Variants in GRHL1 observed in about 807,000 individuals in gnomAD.
GRHL1 encodes grainyhead-like protein 1 homolog.
Under a neutral mutation model 75.7 loss-of-function variants are expected in GRHL1, and 38 were observed. That is an observed-to-expected ratio of 0.50 (90% CI 0.39 to 0.66). The LOEUF (loss-of-function observed/expected upper bound fraction) is 0.66. Among genes scored for constraint, GRHL1 ranks in the 30% least tolerant of loss-of-function variants. The pLI, the probability that GRHL1 is intolerant of heterozygous loss-of-function variation, is 0.00. For synonymous variants in GRHL1, 266 were observed against 279.4 expected, an observed-to-expected ratio of 0.95 and a Z score of 0.48; for missense variants, 589 against 767.5, an observed-to-expected ratio of 0.77 and a Z score of 2.75.
rs748162587 is a variant in GRHL1, at chr2:9,975,150, C to G, written c.1110+9769C>G. Reference sequence around the variant, plus strand: ...TAAGGCCTGTGTAGTACAGAAGCAACAGCTGCAGACTTGTCTTCTGCAGCC... The same window carrying G: ...TAAGGCCTGTGTAGTACAGAAGCAAGAGCTGCAGACTTGTCTTCTGCAGCC... On this transcript the variant is annotated intron_variant, in intron 8 of 15. Transcript: ENST00000324907. Among the ~76,000 whole-genome samples, 94 of 152,312 alleles carry G rather than the reference C, an allele frequency of 6.2e-4. 1 individual carries two copies. Among genetic ancestry groups the G allele is most frequent in the Non-Finnish European group, 2.2e-4 (15 of 68,032 alleles).
chr2:9,962,539 A>G lies in GRHL1; in HGVS notation c.746+8A>G, dbSNP rs777196625. 7.1e-7 allele frequency: 1 copy of G among 1,404,976 alleles called. No homozygotes were observed. The highest frequency in any genetic ancestry group is 1.0e-6 in the Non-Finnish European group (1 of 989,388). The allele number at this position is 1,404,976 out of a possible 1,614,324, so 87.0% of individuals were successfully genotyped here. A position where few individuals can be genotyped will look rare whatever the true frequency, so the allele number is the denominator to read the frequency against. On this transcript the variant is annotated splice_region_variant and intron_variant, in intron 5 of 15. Transcript: ENST00000324907. ...TTTTGACAGTGTTTCTGGGTAATAGATGTCTTTTAATTTGATTTTTAATTT... is the reference window on the plus strand; with the variant it reads ...TTTTGACAGTGTTTCTGGGTAATAGGTGTCTTTTAATTTGATTTTTAATTT...
Position 9,998,524 on chromosome 2 carries a change from A to G in GRHL1, c.1678-441A>G, listed in dbSNP as rs13018184. On this transcript the variant is annotated intron_variant, in intron 14 of 15. Coordinates refer to ENST00000324907, the MANE Select transcript of GRHL1 (RefSeq NM_198182.3). The stretch of plus-strand genomic sequence containing the variant: ...TACATATATATACGTATATATATAC[A>G]TATATATACGTATATATACATATGT... Among the ~76,000 whole-genome samples the G allele has an allele frequency of 9.9e-4, 17 of 17,236 alleles. 1 individual carries two copies. Among genetic ancestry groups the G allele is most frequent in the South Asian group, 4.2e-3 (1 of 236 alleles). 11.3% of individuals were successfully genotyped at this position (17,236 alleles called of 152,430 possible).
rs561124292 is a variant in GRHL1, at chr2:10,000,715, C to A, written c.*8C>A. ...ACCCTGACGGAGATCTAAAGGCCTG[C>A]GGGCCACAGCTCCCCAGGAGTTCAG... On this transcript the variant is annotated 3_prime_UTR_variant, in exon 16 of 16. Coordinates refer to ENST00000324907, the MANE Select transcript of GRHL1 (RefSeq NM_198182.3). The A allele has an allele frequency of 1.4e-6, 2 of 1,437,010 alleles. No individual in the cohort carries two copies. The highest frequency in any genetic ancestry group is 1.2e-5 in the South Asian group (1 of 86,898). The allele number at this position is 1,437,010 out of a possible 1,614,324, so 89.0% of individuals were successfully genotyped here.
chr2:9,989,509 TAC>T (rs1312666983), intron 9 of GRHL1, among the ~76,000 whole-genome samples: 1 of 152,198 alleles, frequency 6.6e-6, no homozygotes, highest in African/African-American at 2.4e-5. Flanking sequence ...GCAGTTGATA[TAC>T]AGAGTACACG....
Position 9,987,038 on chromosome 2 carries a change from G to A in GRHL1, c.1269+756G>A, listed in dbSNP as rs1668450956. Reference sequence around the variant, plus strand: ...CTGTCGCCCATGCTGGAGTGCAGTGGCGCAGTCTCGGCTCACTGCAGCCTC... The same window carrying A: ...CTGTCGCCCATGCTGGAGTGCAGTGACGCAGTCTCGGCTCACTGCAGCCTC... On this transcript the variant is annotated intron_variant, in intron 9 of 15. Transcript: ENST00000324907. The surrounding 1 kb of genome is among the most constrained non-coding windows in gnomAD (Gnocchi z 4.2). 6.6e-6 allele frequency among the ~76,000 whole-genome samples: 1 copy of A among 151,802 alleles called. No individual in the cohort carries two copies.
intron 8 of GRHL1, among the ~76,000 whole-genome samples, chr2:9,984,381 T>A (rs1022526868): frequency 6.6e-6 from 1 of 152,150 alleles, no homozygotes; most frequent in Non-Finnish European, 1.5e-5. Flanking sequence ...TCCAATAATG[T>A]CCACTATGTG....
intron 14 of GRHL1, 140 bp downstream of exon 14, chr2:9,996,541 C>CG (rs1668868840): frequency 1.5e-6 from 1 of 654,282 alleles, no homozygotes; most frequent in East Asian, 2.7e-5. Flanking sequence ...AGTCGTCGTG[C>CG]GTCCCACATT....
intron 12 of GRHL1, among the ~76,000 whole-genome samples, chr2:9,993,758 C>T (rs775992608): frequency 6.6e-6 from 1 of 152,208 alleles, no homozygotes; most frequent in African/African-American, 2.4e-5. Context: ...TTATCTGTTA[C>T]TAATGGTGTT....
intron 15 of GRHL1, among the ~76,000 whole-genome samples, chr2:9,999,709 T>G (rs1410215139): frequency 6.6e-6 from 1 of 152,256 alleles, no homozygotes; most frequent in East Asian, 1.9e-4. Context: ...CTTTTTTGTC[T>G]GTCTATGATG....
chr2:9,998,772 ACATATATACG>A (rs1669092837), intron 14 of GRHL1, among the ~76,000 whole-genome samples, 183 bp from the exon 15 acceptor site: 1 of 31,868 alleles, frequency 3.1e-5, no homozygotes, highest in Non-Finnish European at 5.8e-5. Flanking sequence ...ATATGTACAC[ACATATATACG>A]TATATATATG....
chr2:9,964,167 C>A, intron 6 of GRHL1, 68 bp from the exon 7 acceptor site: 2 of 1,316,592 alleles, frequency 1.5e-6, no homozygotes, highest in Non-Finnish European at 2.2e-6. Flanking sequence ...AAATATAGTA[C>A]TAAATACGTT....
chr2:9,998,889 CAT>C (rs33958552), intron 14 of GRHL1, 74 bp from the exon 15 acceptor site: 32 of 141,662 alleles, frequency 2.3e-4, no homozygotes, highest in East Asian at 2.9e-4. Context: ...CATATATATA[CAT>C]ATATATATAT....
Position 9,977,885 on chromosome 2 carries a change from T to G in GRHL1, c.1111-8239T>G, listed in dbSNP as rs143989916. 2.7e-3 allele frequency among the ~76,000 whole-genome samples: 417 copies of G among 152,314 alleles called. 15 individuals carry two copies. In the East Asian group the frequency reaches 0.061, roughly 22 times the overall value. On this transcript the variant is annotated intron_variant, in intron 8 of 15. Transcript: ENST00000324907. ...AAGACATACCCGAGACTGGGTAATT[T>G]ATAAATAAAAAGAGATTTAATGGAC...
intron 8 of GRHL1, among the ~76,000 whole-genome samples, chr2:9,982,985 C>A: frequency 6.6e-6 from 1 of 151,636 alleles, no homozygotes; most frequent in Non-Finnish European, 1.5e-5. Context: ...TGCACTGGGT[C>A]GCAGTGCTTA....
chr2:9,981,217 C>T (rs912872174), intron 8 of GRHL1, among the ~76,000 whole-genome samples: 3 of 152,200 alleles, frequency 2.0e-5, no homozygotes, highest in Admixed American at 6.5e-5. Flanking sequence ...TAAAGCTCCC[C>T]GGAAGCTGCA....
intron 12 of GRHL1, among the ~76,000 whole-genome samples, chr2:9,994,537 G>A (rs1401952417): frequency 6.6e-6 from 1 of 152,022 alleles, no homozygotes; most frequent in African/African-American, 2.4e-5. Context: ...GGACATTCAT[G>A]CCCCACACGT....
rs1171571321 is a variant in GRHL1, at chr2:9,995,931, CCTT to C, written c.1555_1557del (p.Ser519del). 7 of 1,613,074 alleles carry C rather than the reference CCTT, an allele frequency of 4.3e-6. No individual in the cohort carries two copies. Among genetic ancestry groups the C allele is most frequent in the Admixed American group, 3.3e-5 (2 of 60,026 alleles). On this transcript the variant is annotated inframe_deletion, in exon 13 of 16. Transcript: ENST00000324907. ...CACAGAAGATGACTTTGCTGTCCCT[CCTT>C]CTACCAAGCTGGCCCGGATAGAAGA...
chr2:9,993,191 A>G lies in GRHL1; in HGVS notation c.1462-16A>G, dbSNP rs767688263. ...TGAGCATACATTTGAAAAGCAATCTATTCCTTTGGTCTTAGGTCCTTCCCA... is the reference window on the plus strand; with the variant it reads ...TGAGCATACATTTGAAAAGCAATCTGTTCCTTTGGTCTTAGGTCCTTCCCA... On this transcript the variant is annotated splice_polypyrimidine_tract_variant and intron_variant, in intron 11 of 15. Coordinates refer to ENST00000324907, the MANE Select transcript of GRHL1 (RefSeq NM_198182.3). The G allele has an allele frequency of 6.9e-6, 11 of 1,585,390 alleles. No individual in the cohort carries two copies. In the East Asian group the frequency reaches 1.1e-4, roughly 16 times the overall value.
intron 8 of GRHL1, 22 bp from the exon 9 acceptor site, chr2:9,986,102 G>A: frequency 1.4e-5 from 23 of 1,589,388 alleles, no homozygotes; most frequent in Non-Finnish European, 2.0e-5. Flanking sequence ...GTTGCTTATG[G>A]AACCTTCTCT....
Sources: gnomAD v4.1 joint callset for allele counts (sites outside exome capture counted in the v4.1 genomes callset) on GRCh38, gnomAD v4.1.1 for gene constraint, Gnocchi (gnomAD v3.1) non-coding constraint, MANE v1.5 for transcripts, NCBI Gene and HGNC (gene_info 2026-07-23, HGNC 2026-07-21) for gene names.